MLLT3: variants seen among roughly 807,000 people sequenced by gnomAD.
The protein encoded by MLLT3 is MLLT3 super elongation complex subunit, also known as protein AF-9.
A neutral mutation model predicts 53.2 loss-of-function variants in MLLT3; 4 were observed. The ratio of observed to expected loss-of-function variants is 0.08; its 90% CI spans 0.04 to 0.17. MLLT3 has a LOEUF of 0.17. Ranked by LOEUF, MLLT3 falls within the 10% of genes least tolerant of loss-of-function variation. The pLI, the probability that MLLT3 is intolerant of heterozygous loss-of-function variation, is 1.00. For synonymous variants in MLLT3, 283 were observed against 230.6 expected, an observed-to-expected ratio of 1.23 and a Z score of -2.06; for missense variants, 569 against 684.0, an observed-to-expected ratio of 0.83 and a Z score of 1.87.
intron 4 of MLLT3, among the ~76,000 whole-genome samples, chr9:20,439,114 G>A (rs1823479995): frequency 2.0e-5 from 3 of 152,032 alleles, no homozygotes; most frequent in Non-Finnish European, 2.9e-5. Flanking sequence ...CAGCACTTTC[G>A]GAGCTGAGGT....
intron 2 of MLLT3, among the ~76,000 whole-genome samples, chr9:20,592,801 G>A (rs1031621633): frequency 1.2e-4 from 19 of 152,102 alleles, no homozygotes; most frequent in South Asian, 8.3e-4. Flanking sequence ...TCAGCCATAC[G>A]ATTACCAGGA....
At chr9:20,464,680 G>A (rs1022037370) in intron 2 of MLLT3, among the ~76,000 whole-genome samples, 3 of 152,112 alleles carry the variant, frequency 2.0e-5, no homozygotes, top group Non-Finnish European at 4.4e-5. Context: ...GGGAGGGTAT[G>A]TGTTGGCCTG....
At chr9:20,578,505 G>C (rs1057005929) in intron 2 of MLLT3, among the ~76,000 whole-genome samples, 1 of 151,158 alleles carries the variant, frequency 6.6e-6, no homozygotes, top group Non-Finnish European at 1.5e-5. Flanking sequence ...CAGAAACTAC[G>C]TCTCTAAAAA....
chr9:20,427,412 A>T (rs1233662739), intron 4 of MLLT3, among the ~76,000 whole-genome samples: 1 of 152,090 alleles, frequency 6.6e-6, no homozygotes, highest in Non-Finnish European at 1.5e-5. Flanking sequence ...AATATGAATA[A>T]ACTGCCATAA....
chr9:20,435,500 G>A (rs745511795), intron 4 of MLLT3, among the ~76,000 whole-genome samples: 4 of 152,152 alleles, frequency 2.6e-5, no homozygotes, highest in African/African-American at 4.8e-5. Flanking sequence ...GGCATTAAGT[G>A]TGGCCCACAG....
chr9:20,434,905 C>T (rs1014438749), intron 4 of MLLT3, among the ~76,000 whole-genome samples: 4 of 152,112 alleles, frequency 2.6e-5, no homozygotes, highest in Non-Finnish European at 4.4e-5. Flanking sequence ...AACATTTCCA[C>T]ATCTTGTTGG....
chr9:20,459,959 C>A (rs999196331), intron 2 of MLLT3, among the ~76,000 whole-genome samples: 38 of 152,120 alleles, frequency 2.5e-4, no homozygotes, highest in Admixed American at 2.2e-3. Flanking sequence ...AAAAAACTTA[C>A]AGTTCTAATC....
At chr9:20,540,335 G>A (rs184233993) in intron 2 of MLLT3, among the ~76,000 whole-genome samples, 2 of 152,378 alleles carry the variant, frequency 1.3e-5, no homozygotes, top group East Asian at 3.9e-4. Flanking sequence ...CTCCTGCACT[G>A]CCCTAGTAGA....
intron 5 of MLLT3, among the ~76,000 whole-genome samples, chr9:20,408,373 T>A (rs905707931): frequency 6.6e-6 from 1 of 151,698 alleles, no homozygotes; most frequent in African/African-American, 2.4e-5. Flanking sequence ...CTCCTCAGTG[T>A]GATCACACCC....
In MLLT3 at chr9:20,588,431, G is replaced by T. The variant is rs1236114104; in HGVS notation, c.193+32223C>A. ...GCATTGAATCTGTAAATTACCTTGGGCAGTATGGCCATTTTCACGATATTG... is the reference window on the plus strand; with the variant it reads ...GCATTGAATCTGTAAATTACCTTGGTCAGTATGGCCATTTTCACGATATTG... On this transcript the variant is annotated intron_variant, in intron 2 of 10. Coordinates refer to ENST00000380338, the MANE Select transcript of MLLT3 (RefSeq NM_004529.4). Among the ~76,000 whole-genome samples the T allele has an allele frequency of 4.6e-5, 7 of 151,926 alleles. No individual in the cohort carries two copies. The East Asian group carries it at 1.3e-3, about 29-fold the overall frequency.
intron 8 of MLLT3, among the ~76,000 whole-genome samples, chr9:20,359,061 C>A (rs1821248608): frequency 7.0e-6 from 1 of 142,580 alleles, no homozygotes; most frequent in South Asian, 2.3e-4. Flanking sequence ...AGGAGAATCG[C>A]TTGAACCCAG....
intron 3 of MLLT3, among the ~76,000 whole-genome samples, chr9:20,450,442 C>T (rs1823810557): frequency 6.6e-6 from 1 of 152,176 alleles, no homozygotes; most frequent in Admixed American, 6.6e-5. Flanking sequence ...TAAAATCCCA[C>T]TTCCTTGGAA....
intron 8 of MLLT3, among the ~76,000 whole-genome samples, chr9:20,357,233 C>T (rs904952953): frequency 8.5e-5 from 13 of 152,172 alleles, no homozygotes; most frequent in Admixed American, 7.2e-4. Flanking sequence ...TCACTTCCTT[C>T]CTTCAAGTCC....
intron 8 of MLLT3, among the ~76,000 whole-genome samples, chr9:20,360,486 G>A (rs1255241228): frequency 1.3e-5 from 2 of 152,146 alleles, no homozygotes; most frequent in Non-Finnish European, 2.9e-5. Context: ...TGGTAAATGG[G>A]CAATACTTTT....
At chr9:20,556,714 G>A (rs1287981302) in intron 2 of MLLT3, among the ~76,000 whole-genome samples, 1 of 151,788 alleles carries the variant, frequency 6.6e-6, no homozygotes, top group African/African-American at 2.4e-5. Context: ...AAAAGTTGGG[G>A]GAGAAATAAG....
chr9:20,488,504 A>G (rs1174478966), intron 2 of MLLT3, among the ~76,000 whole-genome samples: 1 of 152,206 alleles, frequency 6.6e-6, no homozygotes, highest in Non-Finnish European at 1.5e-5. Flanking sequence ...TTAAATAAAG[A>G]GTGCGAATCA....
chr9:20,481,947 C>T (rs1824673224), intron 2 of MLLT3, among the ~76,000 whole-genome samples: 1 of 152,170 alleles, frequency 6.6e-6, no homozygotes, highest in Non-Finnish European at 1.5e-5. Context: ...GTAACAAATA[C>T]AGAGAACCAA....
intron 8 of MLLT3, among the ~76,000 whole-genome samples, chr9:20,360,187 C>T (rs999094270): frequency 6.6e-6 from 1 of 152,102 alleles, no homozygotes; most frequent in Non-Finnish European, 1.5e-5. Context: ...AAACTGAGGC[C>T]GAACACCTAT....
At chr9:20,566,824 T>C (rs1819388910) in intron 2 of MLLT3, among the ~76,000 whole-genome samples, 1 of 152,108 alleles carries the variant, frequency 6.6e-6, no homozygotes, top group African/African-American at 2.4e-5. Flanking sequence ...CATCTGAACC[T>C]AGGGCTCCAG....
Sources: allele counts gnomAD v4.1 joint callset (sites outside exome capture counted in the v4.1 genomes callset), GRCh38; gene constraint gnomAD v4.1.1; transcripts MANE v1.5; gene names NCBI Gene and HGNC (gene_info 2026-07-23, HGNC 2026-07-21).